COL19A1: variants seen among roughly 807,000 people sequenced by gnomAD.
COL19A1 encodes the protein collagen alpha-1(XIX) chain.
Under a neutral mutation model 190.2 loss-of-function variants are expected in COL19A1, and 159 were observed. The observed-to-expected ratio is 0.84, with a 90% confidence interval of 0.73 to 0.95. The LOEUF (loss-of-function observed/expected upper bound fraction) is 0.95. Ranked by LOEUF, COL19A1 falls within the 40% of genes least tolerant of loss-of-function variation. The pLI, the probability that COL19A1 is intolerant of heterozygous loss-of-function variation, is 0.00. For synonymous variants in COL19A1, 509 were observed against 458.9 expected (o/e 1.11, Z -1.39); for missense variants, 1,418 against 1,431.9 (o/e 0.99, Z 0.16).
chr6:69,955,124 C>T (rs1326390211), intron 9 of COL19A1, among the ~76,000 whole-genome samples: 2 of 152,072 alleles, frequency 1.3e-5, no homozygotes, highest in South Asian at 2.1e-4. Flanking sequence ...TTTAAAGACT[C>T]TCTTACAGTT....
At chr6:70,203,705 C>T (rs564371015) in intron 49 of COL19A1, among the ~76,000 whole-genome samples, 4 of 152,058 alleles carry the variant, frequency 2.6e-5, no homozygotes, top group Non-Finnish European at 4.4e-5. Context: ...CTGAAATCTT[C>T]CTACTGGAAA....
Position 70,140,944 on chromosome 6 carries a change from T to G in COL19A1, c.1447-10T>G. ...AGCGTTTAATTCTATTTTCTACCCC[T>G]TCTCCTTAGGGAGAGCCTTTTACAA... On this transcript the variant is annotated splice_polypyrimidine_tract_variant and intron_variant, in intron 19 of 50. Transcript: ENST00000620364. 6.2e-7 allele frequency: 1 copy of G among 1,610,390 alleles called. No homozygotes were observed. The highest frequency in any genetic ancestry group is 8.5e-7 in the Non-Finnish European group (1 of 1,177,210).
Position 70,167,467 on chromosome 6 carries a change from G to A in COL19A1, c.2446-558G>A, listed in dbSNP as rs116299788. ...AGGACATGTCAATTTTTTTCAAGATGTTCTTATTCTCTTTTATCCTAAAGA... is the reference window on the plus strand; with the variant it reads ...AGGACATGTCAATTTTTTTCAAGATATTCTTATTCTCTTTTATCCTAAAGA... On this transcript the variant is annotated intron_variant, in intron 37 of 50. Transcript: ENST00000620364. Among the ~76,000 whole-genome samples the A allele has an allele frequency of 6.8e-3, 1,035 of 152,032 alleles. 19 individuals are homozygous for A. The highest frequency in any genetic ancestry group is 0.024 in the African/African-American group (975 of 41,474).
intron 15 of COL19A1, among the ~76,000 whole-genome samples, chr6:70,091,874 G>A (rs1327457312): frequency 6.6e-6 from 1 of 152,158 alleles, no homozygotes; most frequent in Non-Finnish European, 1.5e-5. Flanking sequence ...AAATTGTAAA[G>A]CACAGACTTC....
At chr6:70,067,741 A>G (rs1781330189) in intron 14 of COL19A1, among the ~76,000 whole-genome samples, 1 of 152,106 alleles carries the variant, frequency 6.6e-6, no homozygotes, top group Admixed American at 6.6e-5. Flanking sequence ...AGAAGTAGTC[A>G]TAACTGCTGA....
intron 11 of COL19A1, among the ~76,000 whole-genome samples, chr6:69,975,501 C>G (rs1562051186): frequency 6.6e-6 from 1 of 152,142 alleles, no homozygotes; most frequent in Non-Finnish European, 1.5e-5. Context: ...ATGTTTAGAG[C>G]TAGAGTGAAT....
chr6:70,106,273 T>C (rs1473785292), intron 16 of COL19A1, among the ~76,000 whole-genome samples: 1 of 152,056 alleles, frequency 6.6e-6, no homozygotes, highest in African/African-American at 2.4e-5. Flanking sequence ...AAAATGTTTG[T>C]ACCAAAAGGA....
chr6:70,127,706 G>C (rs1267477238), intron 17 of COL19A1, among the ~76,000 whole-genome samples: 1 of 152,132 alleles, frequency 6.6e-6, no homozygotes, highest in Non-Finnish European at 1.5e-5. Flanking sequence ...CATCAGAAGA[G>C]TTTGTGCAGG....
intron 18 of COL19A1, among the ~76,000 whole-genome samples, chr6:70,132,583 A>G (rs973053291): frequency 6.6e-6 from 1 of 152,208 alleles, no homozygotes; most frequent in African/African-American, 2.4e-5. Flanking sequence ...CTGTTCTCAG[A>G]GATCTCTGTT....
intron 42 of COL19A1, 75 bp from the exon 43 acceptor site, chr6:70,180,237 G>A: frequency 6.5e-7 from 1 of 1,543,652 alleles, no homozygotes; most frequent in East Asian, 2.3e-5. Context: ...ACTCAATTGG[G>A]GTTGGGGGAA....
chr6:70,210,796 TA>T lies in COL19A1; in HGVS notation c.*3523del, dbSNP rs1768146388. On this transcript the variant is annotated 3_prime_UTR_variant, in exon 51 of 51. Transcript: ENST00000620364. ...CCTTTGCACTTTTTTTTAACTTTTG[TA>T]GATAATTTTTGTTAATTTGTTTTGT... 6.6e-6 allele frequency among the ~76,000 whole-genome samples: 1 copy of T among 152,168 alleles called. No individual in the cohort carries two copies. Among genetic ancestry groups the T allele is most frequent in the African/African-American group, 2.4e-5 (1 of 41,472 alleles).
chr6:70,196,337 G>A (rs1389901117), intron 48 of COL19A1, among the ~76,000 whole-genome samples: 6 of 152,128 alleles, frequency 3.9e-5, no homozygotes. Flanking sequence ...TATTTAACCT[G>A]AATGCTAATA....
chr6:70,052,326 A>AC (rs1192003630), intron 14 of COL19A1, among the ~76,000 whole-genome samples: 1 of 152,166 alleles, frequency 6.6e-6, no homozygotes, highest in African/African-American at 2.4e-5. Flanking sequence ...ATAGTTCAGA[A>AC]CCTAGAGCAG....
chr6:70,203,125 T>C (rs2084600418), intron 49 of COL19A1, among the ~76,000 whole-genome samples: 1 of 152,218 alleles, frequency 6.6e-6, no homozygotes, highest in South Asian at 2.1e-4. Context: ...ACAGACGTTA[T>C]TCTTTCGAGT....
At chr6:70,090,036 A>G (rs9454965) in intron 15 of COL19A1, among the ~76,000 whole-genome samples, 40,493 of 151,860 alleles carry the variant, frequency 0.27, 7,246 homozygotes, top group African/African-American at 0.46. Flanking sequence ...CAATTTGCTA[A>G]GTATGGTGGC....
intron 15 of COL19A1, among the ~76,000 whole-genome samples, chr6:70,092,289 T>C (rs1427569471): frequency 6.6e-6 from 1 of 152,090 alleles, no homozygotes; most frequent in Non-Finnish European, 1.5e-5. Context: ...TTTCCTCCTA[T>C]CCCCATGATC....
intron 11 of COL19A1, among the ~76,000 whole-genome samples, chr6:70,019,917 A>G (rs373822372): frequency 2.0e-5 from 3 of 152,108 alleles, no homozygotes; most frequent in South Asian, 4.1e-4. Context: ...ACTATTGTCA[A>G]TTTTCTATTG....
intron 48 of COL19A1, among the ~76,000 whole-genome samples, chr6:70,197,749 C>G (rs1767302555): frequency 6.6e-6 from 1 of 152,118 alleles, no homozygotes; most frequent in Non-Finnish European, 1.5e-5. Context: ...TCCATTAGAT[C>G]CCTGTTGGCC....
intron 37 of COL19A1, among the ~76,000 whole-genome samples, chr6:70,166,785 T>A (rs544461625): frequency 8.5e-5 from 13 of 152,350 alleles, no homozygotes; most frequent in African/African-American, 2.2e-4. Flanking sequence ...ACTTGTTTCC[T>A]AAATCTGTTC....
Sources: gnomAD v4.1 joint callset for allele counts (sites outside exome capture counted in the v4.1 genomes callset) on GRCh38, gnomAD v4.1.1 for gene constraint, MANE v1.5 for transcripts, NCBI Gene and HGNC (gene_info 2026-07-23, HGNC 2026-07-21) for gene names.